CDH20: variants seen among roughly 807,000 people sequenced by gnomAD.
The protein encoded by CDH20 is cadherin-20.
CDH20 carries 29 observed loss-of-function variants against 74.2 expected under a neutral mutation model. The observed-to-expected ratio is 0.39, with a 90% CI of 0.29 to 0.53. CDH20 has a LOEUF of 0.53. Among genes scored for constraint, CDH20 ranks in the 20% least tolerant of loss-of-function variants. The probability of loss-of-function intolerance (pLI) is 0.69; values close to 1 mark genes in which losing one functional copy is unlikely to be tolerated. For synonymous variants in CDH20, 469 were observed against 405.4 expected (o/e 1.16, Z -1.88); for missense variants, 988 against 1,048.3 (o/e 0.94, Z 0.79).
At chr18:61,552,824 G>A (rs1183512212) in intron 11 of CDH20, among the ~76,000 whole-genome samples, 3 of 152,168 alleles carry the variant, frequency 2.0e-5, no homozygotes, top group Non-Finnish European at 4.4e-5. Context: ...TGCAAACACA[G>A]CATGCTCACT....
At chr18:61,416,214 T>C (rs959473899) in intron 1 of CDH20, among the ~76,000 whole-genome samples, 1 of 152,206 alleles carries the variant, frequency 6.6e-6, no homozygotes, top group Non-Finnish European at 1.5e-5. Context: ...TAACTATCAG[T>C]CCTTACAAAT....
At chr18:61,446,977 C>A (rs919858528) in intron 1 of CDH20, among the ~76,000 whole-genome samples, 1 of 152,268 alleles carries the variant, frequency 6.6e-6, no homozygotes, top group African/African-American at 2.4e-5. Context: ...TTGCAATATC[C>A]AACGTTTTTC....
At chr18:61,426,852 T>A (rs1808326348) in intron 1 of CDH20, among the ~76,000 whole-genome samples, 1 of 152,222 alleles carries the variant, frequency 6.6e-6, no homozygotes, top group South Asian at 2.1e-4. Context: ...GGACATCAAG[T>A]ATCCCTGGTA....
At chr18:61,497,809 GC>G (rs151050394) in intron 2 of CDH20, among the ~76,000 whole-genome samples, 3,366 of 152,190 alleles carry the variant, frequency 0.022, 128 homozygotes, top group East Asian at 0.11. Flanking sequence ...AGATATATTG[GC>G]CTCCCTGCCC....
At chr18:61,510,343 C>A (rs1456909692) in intron 6 of CDH20, among the ~76,000 whole-genome samples, 3 of 152,074 alleles carry the variant, frequency 2.0e-5, no homozygotes, top group African/African-American at 7.2e-5. Context: ...GCATGAAGAA[C>A]GTGCTCCCAA....
chr18:61,350,557 G>A (rs1422545017), intron 1 of CDH20, among the ~76,000 whole-genome samples: 3 of 152,116 alleles, frequency 2.0e-5, no homozygotes, highest in Non-Finnish European at 4.4e-5. Context: ...CTATCTGAGG[G>A]TTCAAACCAT....
rs770299916 is a variant in CDH20 at position 61,500,513 on chromosome 18, C to A, written c.661+11C>A. On this transcript the variant is annotated intron_variant, in intron 4 of 11. Coordinates refer to ENST00000262717, the MANE Select transcript of CDH20 (RefSeq NM_031891.4). ...TGGACTCTAAAACAGGTATCTGATA[C>A]AAGGGTCGAGTCAGAGGTGTTTATT... The A allele has an allele frequency of 1.9e-6, 3 of 1,603,772 alleles. No individual in the cohort carries two copies. Among genetic ancestry groups the A allele is most frequent in the Non-Finnish European group, 1.7e-6 (2 of 1,173,804 alleles).
At chr18:61,489,679 G>A (rs1910887188) in intron 1 of CDH20, among the ~76,000 whole-genome samples, 1 of 151,846 alleles carries the variant, frequency 6.6e-6, no homozygotes, top group African/African-American at 2.4e-5. Flanking sequence ...GCTCCCATAG[G>A]CATGTGACTA....
intron 11 of CDH20, among the ~76,000 whole-genome samples, chr18:61,553,741 G>A (rs148315399): frequency 3.4e-4 from 52 of 152,318 alleles, no homozygotes; most frequent in African/African-American, 1.2e-3. Flanking sequence ...ATATACGGAA[G>A]CAGAATTCCA....
At chr18:61,502,855 A>C in intron 4 of CDH20, 98 bp from the exon 5 acceptor site, 1 of 950,916 alleles carries the variant, frequency 1.1e-6, no homozygotes, top group Non-Finnish European at 1.5e-6. Context: ...CCTCACTTCT[A>C]GGCATTAATG....
At chr18:61,531,497 G>T (rs182175152) in intron 7 of CDH20, among the ~76,000 whole-genome samples, 2 of 152,156 alleles carry the variant, frequency 1.3e-5, no homozygotes, top group Non-Finnish European at 2.9e-5. Flanking sequence ...TTTTATATTA[G>T]AGAAAATTCA....
intron 4 of CDH20, among the ~76,000 whole-genome samples, chr18:61,502,299 A>AT (rs1468281628): frequency 6.6e-6 from 1 of 152,114 alleles, no homozygotes; most frequent in Non-Finnish European, 1.5e-5. Context: ...GGGGAAATTC[A>AT]TATCTTATGC....
intron 1 of CDH20, among the ~76,000 whole-genome samples, chr18:61,462,590 C>A (rs952389642): frequency 1.3e-5 from 2 of 151,976 alleles, no homozygotes; most frequent in Non-Finnish European, 2.9e-5. Context: ...ACCAAAATGA[C>A]ATATTATCCT....
intron 7 of CDH20, among the ~76,000 whole-genome samples, chr18:61,530,657 A>G (rs960349228): frequency 1.3e-5 from 2 of 152,168 alleles, no homozygotes; most frequent in South Asian, 4.1e-4. Flanking sequence ...TAATCCCCAA[A>G]ACAAAATCAC....
intron 1 of CDH20, among the ~76,000 whole-genome samples, chr18:61,394,926 G>C (rs905137320): frequency 4.0e-5 from 6 of 151,754 alleles, no homozygotes; most frequent in African/African-American, 1.5e-4. Flanking sequence ...TTCTTAGAAT[G>C]GTTCTTCCTC....
chr18:61,406,773 C>T (rs911144015), intron 1 of CDH20, among the ~76,000 whole-genome samples: 4 of 152,136 alleles, frequency 2.6e-5, no homozygotes, highest in African/African-American at 4.8e-5. Context: ...CAGCAAGCAA[C>T]AGTTTTGCAC....
At chr18:61,477,069 TA>T (rs60019858) in intron 1 of CDH20, among the ~76,000 whole-genome samples, 5,633 of 150,830 alleles carry the variant, frequency 0.037, 221 homozygotes, top group East Asian at 0.11. Context: ...ATCGGGGAAT[TA>T]AAAAAAAACA....
chr18:61,447,494 C>T (rs562412324), intron 1 of CDH20, among the ~76,000 whole-genome samples: 7 of 152,272 alleles, frequency 4.6e-5, no homozygotes, highest in South Asian at 4.1e-4. Context: ...AGATTGGCGA[C>T]GAGCAGCCAG....
Position 61,528,133 on chromosome 18 carries a change from T to C in CDH20, c.1184T>C (p.Phe395Ser). Residue 395 changes from phenylalanine to serine, a missense_variant, in exon 7 of 12, where the codon TTT becomes TCT. Physicochemically the swap from Phe to Ser is radical, Grantham distance 155 (BLOSUM62 -2). Around this residue, in one of 2 missense-constraint regions of CDH20, gnomAD observed 613 missense variants for 755.2 expected, o/e 0.81. Coordinates refer to ENST00000262717, the MANE Select transcript of CDH20 (RefSeq NM_031891.4). The stretch of plus-strand genomic sequence containing the variant: ...CCTGTGTTTGAACCTGGCTTTTACT[T>C]TGTGGAGGTGCCTGAGGATGTGGCG... ...EPPVFEPGFY[F>S]VEVPEDVAIG... The C allele has an allele frequency of 6.2e-7, 1 of 1,614,110 alleles. No individual in the cohort carries two copies. The highest frequency in any genetic ancestry group is 2.2e-5 in the East Asian group (1 of 44,872).
Sources: allele counts gnomAD v4.1 joint callset (sites outside exome capture counted in the v4.1 genomes callset), GRCh38; gene constraint gnomAD v4.1.1; regional missense constraint gnomAD v4.1.1; transcripts MANE v1.5; gene names NCBI Gene and HGNC (gene_info 2026-07-23, HGNC 2026-07-21).